The following TMEM120B variants were observed in gnomAD, a reference collection of about 807,000 sequenced individuals.
TMEM120B encodes the protein transmembrane protein 120B.
Under a neutral mutation model 55.5 loss-of-function variants are expected in TMEM120B, and 31 were observed. The observed-to-expected ratio is 0.56, with a 90% CI of 0.42 to 0.75. The LOEUF (loss-of-function observed/expected upper bound fraction) is 0.75, where lower values mean the gene tolerates loss of function less well. Among genes scored for constraint, TMEM120B ranks in the 30% least tolerant of loss-of-function variants. The pLI is 0.00. For synonymous variants in TMEM120B, 203 were observed against 176.3 expected (o/e 1.15, Z -1.20); for missense variants, 399 against 425.5 (o/e 0.94, Z 0.55).
chr12:121,728,393 G>A (rs1328373117), intron 1 of TMEM120B, among the ~76,000 whole-genome samples: 1 of 151,886 alleles, frequency 6.6e-6, no homozygotes, highest in Non-Finnish European at 1.5e-5. Context: ...GGAGGCTGAG[G>A]CAGGAGAATG....
intron 5 of TMEM120B, among the ~76,000 whole-genome samples, chr12:121,757,677 C>T (rs942044659): frequency 4.7e-4 from 72 of 152,270 alleles, no homozygotes; most frequent in African/African-American, 5.1e-4. Flanking sequence ...CCACCATGCC[C>T]GGCTACTTTT....
intron 2 of TMEM120B, among the ~76,000 whole-genome samples, chr12:121,744,553 G>A (rs1873027392): frequency 6.6e-6 from 1 of 152,178 alleles, no homozygotes; most frequent in South Asian, 2.1e-4. Flanking sequence ...ATCCCTGGTG[G>A]AGATGTGCTT....
At chr12:121,748,144 G>GAC (rs1873153514) in intron 2 of TMEM120B, among the ~76,000 whole-genome samples, 182 bp from the exon 3 acceptor site, 67 of 64,960 alleles carry the variant, frequency 1.0e-3, no homozygotes, top group South Asian at 2.3e-3. Flanking sequence ...GAAGGTGGGA[G>GAC]GCTGGGGTAG....
intron 6 of TMEM120B, among the ~76,000 whole-genome samples, chr12:121,764,922 ACT>A (rs1374824661): frequency 1.3e-5 from 2 of 151,812 alleles, no homozygotes; most frequent in Non-Finnish European, 2.9e-5. Flanking sequence ...CCTGGAGTTC[ACT>A]CTCTGACAGG....
rs1468328980 is a variant in TMEM120B, at chr12:121,780,851, A to G, written c.*5129A>G. On this transcript the variant is annotated 3_prime_UTR_variant, in exon 12 of 12. Transcript: ENST00000449592. ...GGCTTCACAGCCACGGCTGTGCCCC[A>G]GGGTCTTGGCCCCGGCCCACCTGCA... is the stretch of plus-strand genomic sequence containing the variant. 1 of 1,607,428 alleles carries G rather than the reference A, an allele frequency of 6.2e-7. No individual in the cohort carries two copies. Among genetic ancestry groups the G allele is most frequent in the East Asian group, 2.2e-5 (1 of 44,850 alleles).
chr12:121,732,323 C>T (rs1895017334), intron 1 of TMEM120B, among the ~76,000 whole-genome samples: 1 of 152,150 alleles, frequency 6.6e-6, no homozygotes, highest in Non-Finnish European at 1.5e-5. Flanking sequence ...TCCATGTTGT[C>T]CTCCTCGTGG....
At chr12:121,750,977 A>ACAC (rs1873292940) in intron 4 of TMEM120B, among the ~76,000 whole-genome samples, 1 of 6,568 alleles carries the variant, frequency 1.5e-4, no homozygotes, top group Admixed American at 2.5e-3. Flanking sequence ...CACACCCCAC[A>ACAC]CCCACACCCC....
intron 5 of TMEM120B, chr12:121,758,381 C>T (rs867705899): frequency 6.1e-6 from 6 of 985,278 alleles, no homozygotes; most frequent in Non-Finnish European, 7.2e-6. Context: ...AAAGCTGGAT[C>T]GGCCCAGCCC....
intron 6 of TMEM120B, among the ~76,000 whole-genome samples, chr12:121,763,734 C>T (rs1255327698): frequency 5.3e-5 from 8 of 152,152 alleles, no homozygotes; most frequent in African/African-American, 9.7e-5. Context: ...TGAGCCACCG[C>T]GCCCTGCCAA....
At chr12:121,750,853 T>C (rs1196801897) in intron 4 of TMEM120B, among the ~76,000 whole-genome samples, 42 of 27,782 alleles carry the variant, frequency 1.5e-3, no homozygotes, top group African/African-American at 1.7e-3. Flanking sequence ...CCACACCCCA[T>C]ACCCACACCC....
At chr12:121,768,620 G>A (rs1873922608) in intron 6 of TMEM120B, among the ~76,000 whole-genome samples, 1 of 152,192 alleles carries the variant, frequency 6.6e-6, no homozygotes, top group Non-Finnish European at 1.5e-5. Flanking sequence ...AGCATCCCCA[G>A]CCTCCACCTC....
At chr12:121,717,936 G>C (rs570519161) in intron 1 of TMEM120B, among the ~76,000 whole-genome samples, 2 of 152,274 alleles carry the variant, frequency 1.3e-5, no homozygotes, top group South Asian at 4.1e-4. Context: ...GATTACAAGC[G>C]TGAGCTACCG....
chr12:121,735,634 T>C (rs1451473921), intron 1 of TMEM120B, among the ~76,000 whole-genome samples: 1 of 151,974 alleles, frequency 6.6e-6, no homozygotes, highest in East Asian at 1.9e-4. Flanking sequence ...GTTGACTTTG[T>C]GATCCGCCTG....
intron 5 of TMEM120B, among the ~76,000 whole-genome samples, chr12:121,760,647 C>G (rs1566521535): frequency 6.6e-6 from 1 of 152,176 alleles, no homozygotes; most frequent in Non-Finnish European, 1.5e-5. Context: ...TGAGATCTTA[C>G]CAGGAGGCTG....
At position 121,775,488 on chromosome 12, in the gene TMEM120B, A is replaced by C; in HGVS notation, c.907-121A>C. On this transcript the variant is annotated intron_variant, in intron 11 of 11. Transcript: ENST00000449592. The surrounding 1 kb of genome is among the most constrained non-coding windows in gnomAD (Gnocchi z 4.3). ...CAGGTCTCCTGAATCTCTGCCTTCGATGGCAAAACCCTGCAGTTTGGGAGT... is the reference window on the plus strand; with the variant it reads ...CAGGTCTCCTGAATCTCTGCCTTCGCTGGCAAAACCCTGCAGTTTGGGAGT... The C allele has an allele frequency of 6.8e-7, 1 of 1,463,004 alleles. No individual in the cohort carries two copies. Among genetic ancestry groups the C allele is most frequent in the Non-Finnish European group, 9.0e-7 (1 of 1,111,750 alleles). 90.6% of individuals were successfully genotyped at this position (1,463,004 alleles called of 1,614,324 possible).
At chr12:121,730,385 A>G (rs1218777820) in intron 1 of TMEM120B, among the ~76,000 whole-genome samples, 3 of 147,542 alleles carry the variant, frequency 2.0e-5, no homozygotes, top group African/African-American at 7.5e-5. Flanking sequence ...GGTGGCTCAC[A>G]CCTGTAATCT....
chr12:121,721,218 G>A (rs1001034521), intron 1 of TMEM120B, among the ~76,000 whole-genome samples: 1 of 152,074 alleles, frequency 6.6e-6, no homozygotes, highest in Non-Finnish European at 1.5e-5. Context: ...TCACTTTGTC[G>A]CCCAGGCTGG....
At chr12:121,770,784 C>A in intron 6 of TMEM120B, 123 bp from the exon 7 acceptor site, 1 of 858,448 alleles carries the variant, frequency 1.2e-6, no homozygotes, top group South Asian at 1.4e-5. Context: ...CAGTCTGTTT[C>A]TTACTCCAAG....
At chr12:121,728,220 T>C (rs1258459996) in intron 1 of TMEM120B, among the ~76,000 whole-genome samples, 2 of 151,610 alleles carry the variant, frequency 1.3e-5, no homozygotes, top group African/African-American at 4.8e-5. Context: ...CCGGGCACGG[T>C]GGCTCACGCC....
Sources: gnomAD v4.1 joint callset for allele counts (sites outside exome capture counted in the v4.1 genomes callset) on GRCh38, gnomAD v4.1.1 for gene constraint, Gnocchi (gnomAD v3.1) non-coding constraint, MANE v1.5 for transcripts, NCBI Gene and HGNC (gene_info 2026-07-23, HGNC 2026-07-21) for gene names.